The following FSHR variants were observed in gnomAD, a reference collection of about 807,000 sequenced individuals.
The protein encoded by FSHR is follicle stimulating hormone receptor.
In FSHR, 46 loss-of-function variants were observed where a neutral mutation model predicts 52.1. The ratio of observed to expected loss-of-function variants is 0.88; its 90% CI spans 0.70 to 1.13. FSHR has a LOEUF of 1.13. Among genes scored for constraint, FSHR ranks in the 50% most tolerant of loss-of-function variants. The pLI, the probability that FSHR is intolerant of heterozygous loss-of-function variation, is 0.00. For synonymous variants in FSHR, 399 were observed against 309.6 expected (o/e 1.29, Z -3.03); for missense variants, 964 against 834.6 (o/e 1.16, Z -1.91).
chr2:49,130,250 G>C (rs564506063), intron 1 of FSHR, among the ~76,000 whole-genome samples: 2 of 152,302 alleles, frequency 1.3e-5, no homozygotes, highest in South Asian at 2.1e-4. Flanking sequence ...CTGACACACA[G>C]TACATACTTA....
At position 49,139,850 on chromosome 2, in the gene FSHR, G is replaced by A. The variant is rs745336187; in HGVS notation, c.152+14416C>T. ...CCTGACCTCGTGATCAGCCTGCCTC[G>A]GCCTCCCAAAGTGCTGAGATTACAG... On this transcript the variant is annotated intron_variant, in intron 1 of 9. Coordinates refer to ENST00000406846, the MANE Select transcript of FSHR (RefSeq NM_000145.4). 9.9e-5 allele frequency among the ~76,000 whole-genome samples: 15 copies of A among 151,870 alleles called. No homozygotes were observed. In the South Asian group the frequency reaches 1.9e-3, roughly 19 times the overall value.
intron 1 of FSHR, among the ~76,000 whole-genome samples, chr2:49,087,588 T>G (rs1402812487): frequency 1.3e-5 from 2 of 152,078 alleles, no homozygotes; most frequent in Non-Finnish European, 2.9e-5. Context: ...GCATGTATAG[T>G]CATGAGGCAA....
intron 2 of FSHR, among the ~76,000 whole-genome samples, chr2:49,037,507 AGATTTTAAAAT>A (rs1263099990): frequency 1.3e-5 from 2 of 152,230 alleles, no homozygotes; most frequent in Non-Finnish European, 2.9e-5. Context: ...AAGCTGCAGC[AGATTTTAAAAT>A]GAGTAACTTT....
At chr2:49,002,938 A>C (rs1666957949) in intron 4 of FSHR, among the ~76,000 whole-genome samples, 1 of 152,092 alleles carries the variant, frequency 6.6e-6, no homozygotes, top group African/African-American at 2.4e-5. Context: ...ACCATGATGG[A>C]TGATCATTGT....
chr2:49,147,807 C>G (rs1672921943), intron 1 of FSHR, among the ~76,000 whole-genome samples: 1 of 151,780 alleles, frequency 6.6e-6, no homozygotes, highest in Admixed American at 6.6e-5. Flanking sequence ...TGGACATAGA[C>G]ATATCATTTC....
At chr2:48,973,012 TC>T (rs5831015) in intron 8 of FSHR, among the ~76,000 whole-genome samples, 33,113 of 152,068 alleles carry the variant, frequency 0.22, 4,991 homozygotes, top group African/African-American at 0.43. Flanking sequence ...CTATTTGTTC[TC>T]CCCTTGAATC....
chr2:49,044,605 G>T (rs1668590999), intron 2 of FSHR, among the ~76,000 whole-genome samples: 1 of 152,096 alleles, frequency 6.6e-6, no homozygotes, highest in Non-Finnish European at 1.5e-5. Context: ...AATGCTACTG[G>T]GCCTTGGCTG....
At chr2:49,020,363 G>A (rs528989220) in intron 2 of FSHR, among the ~76,000 whole-genome samples, 2 of 152,290 alleles carry the variant, frequency 1.3e-5, no homozygotes, top group South Asian at 2.1e-4. Flanking sequence ...AGAATAAGTC[G>A]AAGGCTGTGG....
intron 2 of FSHR, among the ~76,000 whole-genome samples, chr2:49,034,796 A>G (rs551083268): frequency 2.6e-5 from 4 of 152,216 alleles, no homozygotes; most frequent in African/African-American, 9.6e-5. Flanking sequence ...TGAAACTCAT[A>G]ATCGACTTGA....
At position 48,963,804 on chromosome 2, in the gene FSHR, A is replaced by G. The variant is rs1201929486; in HGVS notation, c.1017T>C (p.Asn339=). The part of the protein sequence containing the change: ...TYTEFDYDLC[N]EVVDVTCSPK... ...GGGAGCAGGTCACGTCAACCACTTC[A>G]TTGCATAAGTCATAGTCAAACTCAG... The change falls in exon 10 of 10, where the codon AAT becomes AAC. Residue 339 remains asparagine (N), a synonymous_variant. Coordinates refer to ENST00000406846, the MANE Select transcript of FSHR (RefSeq NM_000145.4). 6.8e-6 allele frequency: 11 copies of G among 1,613,996 alleles called. No homozygotes were observed. Among genetic ancestry groups the G allele is most frequent in the Non-Finnish European group, 9.3e-6 (11 of 1,180,004 alleles).
chr2:48,982,745 C>T (rs995207464), intron 8 of FSHR, among the ~76,000 whole-genome samples, 167 bp downstream of exon 8: 12 of 152,072 alleles, frequency 7.9e-5, no homozygotes, highest in Admixed American at 2.6e-4. Context: ...AGAGTTAGAC[C>T]GTGGATAAGC....
At chr2:49,118,985 C>G (rs1051432726) in intron 1 of FSHR, among the ~76,000 whole-genome samples, 4 of 152,178 alleles carry the variant, frequency 2.6e-5, no homozygotes, top group African/African-American at 9.7e-5. Context: ...TCCCACTTGT[C>G]CTTGCATTCC....
intron 2 of FSHR, among the ~76,000 whole-genome samples, chr2:49,036,598 C>T (rs1264981529): frequency 6.6e-6 from 1 of 152,124 alleles, no homozygotes; most frequent in Non-Finnish European, 1.5e-5. Context: ...TTCTCAGCAT[C>T]TTGTTTCCAT....
At chr2:49,000,926 G>A (rs557047616) in intron 4 of FSHR, among the ~76,000 whole-genome samples, 1 of 152,228 alleles carries the variant, frequency 6.6e-6, no homozygotes, top group African/African-American at 2.4e-5. Context: ...TCACAAGTCT[G>A]ACCCAGATTT....
chr2:49,023,861 C>A (rs1667827572), intron 2 of FSHR, among the ~76,000 whole-genome samples: 1 of 152,108 alleles, frequency 6.6e-6, no homozygotes, highest in Non-Finnish European at 1.5e-5. Context: ...TGGGGGTTAT[C>A]AAGGCATTCT....
intron 1 of FSHR, among the ~76,000 whole-genome samples, chr2:49,082,976 A>G (rs958405440): frequency 2.2e-4 from 33 of 151,910 alleles, no homozygotes; most frequent in African/African-American, 8.0e-4. Context: ...CAACATTCAG[A>G]TTCAGGAAAT....
At chr2:48,984,934 T>C (rs1222559215) in intron 6 of FSHR, among the ~76,000 whole-genome samples, 3 of 152,238 alleles carry the variant, frequency 2.0e-5, no homozygotes. Flanking sequence ...GAGGATGGTA[T>C]TTCTTGATAT....
intron 3 of FSHR, 139 bp from the exon 4 acceptor site, chr2:49,017,702 C>A: frequency 1.4e-6 from 1 of 716,926 alleles, no homozygotes; most frequent in East Asian, 2.7e-5. Context: ...ATCCATCCAT[C>A]CATCATTTCA....
chr2:49,103,804 G>T (rs1173737971), intron 1 of FSHR, among the ~76,000 whole-genome samples: 1 of 152,150 alleles, frequency 6.6e-6, no homozygotes, highest in Admixed American at 6.5e-5. Flanking sequence ...CTACAGTCAT[G>T]ACTCTATCTA....
Sources: gnomAD v4.1 joint callset for allele counts (sites outside exome capture counted in the v4.1 genomes callset) on GRCh38, gnomAD v4.1.1 for gene constraint, MANE v1.5 for transcripts, NCBI Gene and HGNC (gene_info 2026-07-23, HGNC 2026-07-21) for gene names.